Variants in NCOA6 observed in about 807,000 individuals in gnomAD.
NCOA6 encodes the protein nuclear receptor coactivator 6.
NCOA6 carries 49 observed loss-of-function variants against 171.4 expected under a neutral mutation model. The observed-to-expected ratio is 0.29, with a 90% CI of 0.23 to 0.36. The LOEUF is 0.36. NCOA6 is among the 10% of genes least tolerant of loss of function. The probability of loss-of-function intolerance (pLI) is 1.00; values close to 1 mark genes in which losing one functional copy is unlikely to be tolerated. For missense variants in NCOA6, 2,248 were observed against 2,554.5 expected (o/e 0.88, Z 2.59); for synonymous variants, 910 against 927.5 (o/e 0.98, Z 0.34).
chr20:34,736,122 T>A (rs2075950188), intron 12 of NCOA6, among the ~76,000 whole-genome samples: 1 of 152,186 alleles, frequency 6.6e-6, no homozygotes, highest in Admixed American at 6.5e-5. Context: ...TTTGTCAGAT[T>A]ACCATGGGAT....
chr20:34,743,270 G>A lies in NCOA6; in HGVS notation c.2986C>T (p.Pro996Ser), dbSNP rs772437890. ...TGCTGCTGTGGTGGCTGTGGTGGGG[G>A]TGCCACATGCTGCATGAGTTGAGGA... ...MPPQLMQHVA[P>S]PPQPPQQQPQ... Residue 996 changes from proline (P) to serine (S), a missense_variant, in exon 11 of 15, where the codon CCC (proline) becomes TCC (serine). By Grantham distance (74) the Pro-to-Ser change is moderately conservative. Around this residue, in one of 7 missense-constraint regions of NCOA6, gnomAD observed 352 missense variants for 419.1 expected, o/e 0.84. Coordinates refer to ENST00000359003, the MANE Select transcript of NCOA6 (RefSeq NM_014071.5). The A allele has an allele frequency of 3.1e-5, 50 of 1,613,848 alleles. 2 individuals carry two copies. The Admixed American group carries it at 8.0e-4, about 26-fold the overall frequency.
At chr20:34,784,928 A>G (rs911290617) in intron 2 of NCOA6, among the ~76,000 whole-genome samples, 14 of 152,108 alleles carry the variant, frequency 9.2e-5, no homozygotes, top group Admixed American at 2.6e-4. Context: ...TGAAAATAGA[A>G]AAATTAGCTG....
chr20:34,776,136 A>C (rs964882744), intron 4 of NCOA6, among the ~76,000 whole-genome samples, 157 bp downstream of exon 4: 1 of 152,238 alleles, frequency 6.6e-6, no homozygotes, highest in African/African-American at 2.4e-5. Context: ...GTCCCTCTTC[A>C]TCCTAAGGTG....
intron 2 of NCOA6, among the ~76,000 whole-genome samples, chr20:34,788,381 A>G (rs917795318): frequency 9.9e-5 from 15 of 152,120 alleles, no homozygotes; most frequent in African/African-American, 3.4e-4. Flanking sequence ...ACTTTTAAGC[A>G]TGTAGATTAA....
intron 5 of NCOA6, 96 bp downstream of exon 5, chr20:34,768,368 G>T: frequency 6.8e-7 from 1 of 1,466,230 alleles, no homozygotes; most frequent in Non-Finnish European, 9.3e-7. Context: ...TGTTAAGTAT[G>T]CCATGAACCC....
intron 1 of NCOA6, chr20:34,820,408 A>T (rs1329904953): frequency 6.6e-6 from 1 of 152,044 alleles, no homozygotes; most frequent in Non-Finnish European, 1.5e-5. Flanking sequence ...TCTTAAAGGA[A>T]AAGATTGATA....
chr20:34,808,909 T>C (rs1414504165), intron 1 of NCOA6, among the ~76,000 whole-genome samples: 1 of 152,200 alleles, frequency 6.6e-6, no homozygotes, highest in Non-Finnish European at 1.5e-5. Context: ...ATCACTGAGC[T>C]AAAGTTTTAT....
chr20:34,817,699 T>C (rs1033269743), intron 1 of NCOA6, among the ~76,000 whole-genome samples: 5 of 152,118 alleles, frequency 3.3e-5, no homozygotes, highest in Non-Finnish European at 7.3e-5. Flanking sequence ...AGGCAGACAC[T>C]GGAGCTGAAG....
intron 5 of NCOA6, 117 bp downstream of exon 5, chr20:34,768,347 G>A: frequency 7.6e-7 from 1 of 1,323,100 alleles, no homozygotes; most frequent in Middle Eastern, 1.9e-4. Context: ...TCCTGATTCA[G>A]CAAATAGAGA....
At chr20:34,731,019 TTTTTC>T (rs972527106) in intron 13 of NCOA6, among the ~76,000 whole-genome samples, 5 of 149,286 alleles carry the variant, frequency 3.3e-5, no homozygotes, top group African/African-American at 9.9e-5. Context: ...TCTAGACTCT[TTTTTC>T]TTTTCTTTTC....
At chr20:34,772,353 A>G (rs1476168315) in intron 4 of NCOA6, among the ~76,000 whole-genome samples, 2 of 152,182 alleles carry the variant, frequency 1.3e-5, no homozygotes, top group African/African-American at 2.4e-5. Flanking sequence ...ATGATAAATT[A>G]TATGACTATC....
intron 1 of NCOA6, among the ~76,000 whole-genome samples, chr20:34,805,979 C>T (rs567994256): frequency 2.6e-5 from 4 of 152,356 alleles, no homozygotes; most frequent in South Asian, 2.1e-4. Context: ...AGCCACTGCG[C>T]CCAGCCCTCT....
intron 1 of NCOA6, among the ~76,000 whole-genome samples, chr20:34,817,205 ATATCAGT>A (rs1568902353): frequency 0.019 from 2,508 of 133,922 alleles, 630 homozygotes; most frequent in Middle Eastern, 0.044. Flanking sequence ...AACAGATTCA[ATATCAGT>A]AAAGGAGCTG....
intron 7 of NCOA6, among the ~76,000 whole-genome samples, chr20:34,755,486 T>C (rs1337898277): frequency 1.3e-5 from 2 of 152,188 alleles, no homozygotes; most frequent in Admixed American, 1.3e-4. Flanking sequence ...CTCATAAGGT[T>C]TGCTGTGATT....
intron 1 of NCOA6, among the ~76,000 whole-genome samples, chr20:34,800,659 T>G (rs1601090421): frequency 2.0e-5 from 3 of 152,256 alleles, no homozygotes; most frequent in East Asian, 3.9e-4. Context: ...AGCAAGAAGA[T>G]GTAACAATTA....
rs749194846 is a variant in NCOA6, at chr20:34,743,079, G to A, written c.3177C>T (p.Gly1059=). ...TTCTCTGGGAGTCGGGGTTCAGGGG[G>A]CCCCTTGGAGGATGGACATTTTGAG... is the stretch of plus-strand genomic sequence containing the variant. The part of the protein sequence containing the change: ...PVSQNVHPPR[G]PLNPDSQRMP... The change falls in exon 11 of 15, where the codon GGC becomes GGT. Residue 1059 remains glycine, a synonymous_variant. Transcript: ENST00000359003. 5.0e-6 allele frequency: 8 copies of A among 1,613,370 alleles called. No individual in the cohort carries two copies. In the South Asian group the frequency reaches 6.6e-5, roughly 13 times the overall value.
intron 3 of NCOA6, among the ~76,000 whole-genome samples, chr20:34,777,774 A>C (rs1364612195): frequency 2.0e-5 from 3 of 152,236 alleles, no homozygotes; most frequent in African/African-American, 7.2e-5. Flanking sequence ...ATGAACTGAA[A>C]GCAGAGTCTC....
At chr20:34,824,560 A>T (rs965185828) in intron 1 of NCOA6, among the ~76,000 whole-genome samples, 2 of 152,030 alleles carry the variant, frequency 1.3e-5, no homozygotes, top group African/African-American at 2.4e-5. Flanking sequence ...ACCGCCCCCA[A>T]ACAGCCAGGT....
chr20:34,737,196 G>A (rs914426277), intron 11 of NCOA6, among the ~76,000 whole-genome samples: 5 of 152,174 alleles, frequency 3.3e-5, no homozygotes, highest in Non-Finnish European at 5.9e-5. Context: ...TATGAGAGTG[G>A]AAATGGTCAC....
Sources: allele counts gnomAD v4.1 joint callset (sites outside exome capture counted in the v4.1 genomes callset), GRCh38; gene constraint gnomAD v4.1.1; regional missense constraint gnomAD v4.1.1; transcripts MANE v1.5; gene names NCBI Gene and HGNC (gene_info 2026-07-23, HGNC 2026-07-21).